EBF4: variants seen among roughly 807,000 people sequenced by gnomAD.
EBF4 encodes the protein transcription factor COE4.
Under a neutral mutation model 67.1 loss-of-function variants are expected in EBF4, and 34 were observed. The ratio of observed to expected loss-of-function variants is 0.51; its 90% CI spans 0.39 to 0.67. The LOEUF (loss-of-function observed/expected upper bound fraction) is 0.67, where lower values mean the gene tolerates loss of function less well. Among genes scored for constraint, EBF4 ranks in the 30% least tolerant of loss-of-function variants. The pLI is 0.00. For missense variants in EBF4, 837 were observed against 873.3 expected (o/e 0.96, Z 0.52); for synonymous variants, 387 against 377.7 (o/e 1.02, Z -0.29).
chr20:2,705,331 G>T (rs1224468799), intron 1 of EBF4, among the ~76,000 whole-genome samples: 2 of 152,192 alleles, frequency 1.3e-5, no homozygotes, highest in East Asian at 1.9e-4. Context: ...CTCCTCCTTT[G>T]CAGTCACCAC....
At position 2,730,710 on chromosome 20, in the gene EBF4, G is replaced by A. The variant is rs189174109; in HGVS notation, c.558-17839G>A. ...CATACATGAAGCACTGTTCCCTTTA[G>A]GCATGCGAAGCTGGCCTGTCCACCC... is the stretch of plus-strand genomic sequence containing the variant. On this transcript the variant is annotated intron_variant, in intron 6 of 16. Coordinates refer to ENST00000609451, the Ensembl canonical transcript of EBF4. Among the ~76,000 whole-genome samples the A allele has an allele frequency of 3.3e-5, 5 of 152,316 alleles. No individual in the cohort carries two copies. In the East Asian group the frequency reaches 9.6e-4, roughly 29 times the overall value.
At chr20:2,702,820 C>T (rs1288770991) in intron 1 of EBF4, among the ~76,000 whole-genome samples, 1 of 152,168 alleles carries the variant, frequency 6.6e-6, no homozygotes, top group Non-Finnish European at 1.5e-5. Context: ...TGGTCACTCC[C>T]CTGCATCCCT....
chr20:2,702,653 C>T (rs1288931144), intron 1 of EBF4, among the ~76,000 whole-genome samples: 1 of 152,196 alleles, frequency 6.6e-6, no homozygotes, highest in Admixed American at 6.5e-5. Flanking sequence ...GGTGTTATGG[C>T]TTAGCCTGAA....
intron 7 of EBF4, among the ~76,000 whole-genome samples, chr20:2,749,117 T>C (rs549801573): frequency 6.6e-6 from 1 of 152,294 alleles, no homozygotes; most frequent in East Asian, 1.9e-4. Context: ...CCCAGCATTC[T>C]GTGTATGCAA....
chr20:2,705,252 T>C (rs2087434573), intron 1 of EBF4, among the ~76,000 whole-genome samples: 1 of 152,194 alleles, frequency 6.6e-6, no homozygotes, highest in Non-Finnish European at 1.5e-5. Flanking sequence ...GTTCATACTT[T>C]TGATTTTTGA....
chr20:2,710,187 C>T (rs552415655), intron 6 of EBF4, among the ~76,000 whole-genome samples: 2 of 152,234 alleles, frequency 1.3e-5, no homozygotes, highest in Admixed American at 6.5e-5. Flanking sequence ...TTTGTTTTGT[C>T]GCCCAGGCTA....
chr20:2,752,996 C>T (rs1297414744), intron 14 of EBF4, among the ~76,000 whole-genome samples: 2 of 152,214 alleles, frequency 1.3e-5, no homozygotes, highest in Non-Finnish European at 2.9e-5. Flanking sequence ...CCCCCAGCTC[C>T]CAGGACTCCA....
chr20:2,749,576 A>C, intron 8 of EBF4, 44 bp from the exon 9 acceptor site: 1 of 1,543,372 alleles, frequency 6.5e-7, no homozygotes, highest in South Asian at 1.2e-5. Flanking sequence ...CCCAGGCCCC[A>C]CCTCAGCGCG....
At position 2,737,042 on chromosome 20, in the gene EBF4, G is replaced by T. The variant is rs1014172512; in HGVS notation, c.558-11507G>T. 2.6e-5 allele frequency among the ~76,000 whole-genome samples: 4 copies of T among 152,148 alleles called. No homozygotes were observed. In the South Asian group the frequency reaches 8.3e-4, roughly 32 times the overall value. ...AGGTGGGCAGATCACAAGGTCAGGA[G>T]ATGGAGACCATCCTGGCTAACACGG... On this transcript the variant is annotated intron_variant, in intron 6 of 16. Transcript: ENST00000609451.
At chr20:2,695,086 A>G (rs73892641) in intron 1 of EBF4, among the ~76,000 whole-genome samples, 2,058 of 150,546 alleles carry the variant, frequency 0.014, 41 homozygotes, top group African/African-American at 0.046. Flanking sequence ...CTATGCTTAC[A>G]ATTCCACCTC....
In EBF4 at chr20:2,696,866, C is replaced by T. The variant is rs1171001010; in HGVS notation, c.137+3084C>T. Among the ~76,000 whole-genome samples, 1 of 152,144 alleles carries T rather than the reference C, an allele frequency of 6.6e-6. No homozygotes were observed. Among genetic ancestry groups the T allele is most frequent in the Non-Finnish European group, 1.5e-5 (1 of 68,012 alleles). ...CCAGCATCTGCTCTCCTCTGCCTGTCCCGGTCCTCCTTGCCCTGCCAGCTG... is the reference window on the plus strand; with the variant it reads ...CCAGCATCTGCTCTCCTCTGCCTGTTCCGGTCCTCCTTGCCCTGCCAGCTG... On this transcript the variant is annotated intron_variant, in intron 1 of 16. Coordinates refer to ENST00000609451, the Ensembl canonical transcript of EBF4. This position sits in a 1 kb window ranked among gnomAD's most constrained non-coding sequence, Gnocchi z 4.7.
intron 6 of EBF4, among the ~76,000 whole-genome samples, chr20:2,711,338 T>G (rs2087542685): frequency 6.6e-6 from 1 of 152,206 alleles, no homozygotes; most frequent in Admixed American, 6.5e-5. Flanking sequence ...TATGCCATAA[T>G]TTATTTAAAT....
chr20:2,708,441 C>T (rs2087491181), intron 5 of EBF4, among the ~76,000 whole-genome samples: 1 of 152,236 alleles, frequency 6.6e-6, no homozygotes, highest in South Asian at 2.1e-4. Context: ...AAGGGGTGCA[C>T]AGCCCTTGGC....
chr20:2,737,140 C>T (rs1466353186), intron 6 of EBF4, among the ~76,000 whole-genome samples: 1 of 151,498 alleles, frequency 6.6e-6, no homozygotes, highest in Non-Finnish European at 1.5e-5. Context: ...GTCCCAGCTA[C>T]TCGGGAGGCT....
At position 2,751,540 on chromosome 20, in the gene EBF4, G is replaced by A. The variant is rs2088145206; in HGVS notation, c.1019-160G>A. On this transcript the variant is annotated intron_variant, in intron 10 of 16. Coordinates refer to ENST00000609451, the Ensembl canonical transcript of EBF4. This position sits in a 1 kb window ranked among gnomAD's most constrained non-coding sequence, Gnocchi z 5.2. ...AACTTCCCTGAATCTCGCTGCCGGG[G>A]GTGCCTGGAGTTTTCCGGGGGACTT... 6.6e-6 allele frequency among the ~76,000 whole-genome samples: 1 copy of A among 152,120 alleles called. No individual in the cohort carries two copies. The highest frequency in any genetic ancestry group is 1.5e-5 in the Non-Finnish European group (1 of 68,026).
intron 14 of EBF4, among the ~76,000 whole-genome samples, chr20:2,753,019 G>A (rs1309433305): frequency 6.6e-6 from 1 of 152,232 alleles, no homozygotes; most frequent in Non-Finnish European, 1.5e-5. Context: ...GGCCAGGTGG[G>A]CGTGGGGAGG....
At chr20:2,723,753 A>T (rs1275165554) in intron 6 of EBF4, among the ~76,000 whole-genome samples, 2 of 151,860 alleles carry the variant, frequency 1.3e-5, no homozygotes, top group South Asian at 4.2e-4. Context: ...ATTTTTTTCA[A>T]TTTTATTGGT....
At chr20:2,752,500 T>C in exon 14 of EBF4, 1 of 1,255,422 alleles carries the variant, frequency 8.0e-7, no homozygotes, top group Non-Finnish European at 1.0e-6. Context: ...CGTGCCTGGG[T>C]CCCCCAGCTT....
intron 6 of EBF4, among the ~76,000 whole-genome samples, chr20:2,715,971 A>C (rs1461248106): frequency 6.6e-6 from 1 of 151,302 alleles, no homozygotes; most frequent in Admixed American, 6.6e-5. Context: ...CTGGTCTCGA[A>C]CTCCTGACCT....
Sources: gnomAD v4.1 joint callset for allele counts (sites outside exome capture counted in the v4.1 genomes callset) on GRCh38, gnomAD v4.1.1 for gene constraint, Gnocchi (gnomAD v3.1) non-coding constraint, MANE v1.5 for transcripts, NCBI Gene and HGNC (gene_info 2026-07-23, HGNC 2026-07-21) for gene names.